MPRIP: variants seen among roughly 807,000 people sequenced by gnomAD.
The protein encoded by MPRIP is myosin phosphatase Rho-interacting protein.
In MPRIP, 59 loss-of-function variants were observed where a neutral mutation model predicts 234.9. The ratio of observed to expected loss-of-function variants is 0.25; its 90% CI spans 0.20 to 0.31. MPRIP has a LOEUF of 0.31. Ranked by LOEUF, MPRIP falls within the 10% of genes least tolerant of loss-of-function variation. The probability of loss-of-function intolerance (pLI) is 1.00; values close to 1 mark genes in which losing one functional copy is unlikely to be tolerated. For synonymous variants in MPRIP, 1,144 were observed against 1,263.9 expected (o/e 0.91, Z 2.01); for missense variants, 2,436 against 3,071.0 (o/e 0.79, Z 4.89).
chr17:17,080,568 C>T (rs1022142100), intron 3 of MPRIP, among the ~76,000 whole-genome samples: 2 of 152,172 alleles, frequency 1.3e-5, no homozygotes, highest in African/African-American at 4.8e-5. Context: ...TGTCTGGAGT[C>T]ATCCTTGATT....
Position 17,126,715 on chromosome 17 carries a change from C to T in MPRIP, c.281C>T (p.Pro94Leu), listed in dbSNP as rs1237561603. Residue 94 changes from proline to leucine, a missense_variant, in exon 4 of 24, where the codon CCT becomes CTT. Transcript: ENST00000651222. The part of the protein sequence containing the change: ...YALDEMPTTL[P>L]QGTINMNQCT... The stretch of plus-strand genomic sequence containing the variant: ...GCCTTCTTCCAGCCCACGACCCTTC[C>T]TCAGGGCACCATCAACATGAACCAG... 6.2e-7 allele frequency: 1 copy of T among 1,612,844 alleles called. No individual in the cohort carries two copies. The highest frequency in any genetic ancestry group is 8.5e-7 in the Non-Finnish European group (1 of 1,179,296).
intron 11 of MPRIP, among the ~76,000 whole-genome samples, chr17:17,149,498 A>G (rs935743799): frequency 6.6e-6 from 1 of 152,070 alleles, no homozygotes; most frequent in African/African-American, 2.4e-5. Context: ...ATCTCAAAAA[A>G]AAAAAAAACT....
Position 17,188,131 on chromosome 17 carries a change from G to A in MPRIP, c.*3237G>A, listed in dbSNP as rs1158385976. 2.0e-5 allele frequency: 3 copies of A among 152,274 alleles called. No individual in the cohort carries two copies. The highest frequency in any genetic ancestry group is 4.8e-5 in the African/African-American group (2 of 41,468). The allele number at this position is 152,274 out of a possible 1,614,324, so 9.4% of individuals were successfully genotyped here. A position where few individuals can be genotyped will look rare whatever the true frequency, so the allele number is the denominator to read the frequency against. ...CATGGTGCCCCAGCCCCAGGCAGGT[G>A]TGGAGACCAGCATTTCAGAGGACGC... is the stretch of plus-strand genomic sequence containing the variant. On this transcript the variant is annotated 3_prime_UTR_variant, in exon 24 of 24. Coordinates refer to ENST00000651222, the MANE Select transcript of MPRIP (RefSeq NM_001364716.4).
At chr17:17,109,708 A>T (rs149060258) in intron 3 of MPRIP, among the ~76,000 whole-genome samples, 3 of 152,280 alleles carry the variant, frequency 2.0e-5, no homozygotes, top group Admixed American at 6.5e-5. Context: ...TTTTAATGGC[A>T]CTTTCCAATA....
intron 13 of MPRIP, among the ~76,000 whole-genome samples, chr17:17,157,828 CAAAA>C (rs753322247): frequency 8.5e-6 from 1 of 117,392 alleles, no homozygotes; most frequent in African/African-American, 3.2e-5. Flanking sequence ...AACTCCATCT[CAAAA>C]AAAAAAAAAA....
intron 21 of MPRIP, among the ~76,000 whole-genome samples, 197 bp downstream of exon 21, chr17:17,176,709 C>T (rs1429414913): frequency 6.6e-6 from 1 of 152,224 alleles, no homozygotes; most frequent in Non-Finnish European, 1.5e-5. Context: ...ACATGAGCAA[C>T]CTGCCTGGCC....
At chr17:17,088,178 C>T (rs548199917) in intron 3 of MPRIP, among the ~76,000 whole-genome samples, 9 of 152,254 alleles carry the variant, frequency 5.9e-5, no homozygotes, top group South Asian at 2.1e-4. Context: ...GTGATGGGAG[C>T]GGCGAGAGCT....
At chr17:17,127,916 G>A (rs2090523981) in intron 4 of MPRIP, among the ~76,000 whole-genome samples, 1 of 152,126 alleles carries the variant, frequency 6.6e-6, no homozygotes, top group African/African-American at 2.4e-5. Context: ...GGTCCCGGGG[G>A]CGCTCTCTGC....
chr17:17,058,510 A>G (rs1204278543), intron 1 of MPRIP, among the ~76,000 whole-genome samples: 2 of 143,980 alleles, frequency 1.4e-5, no homozygotes, highest in African/African-American at 2.6e-5. Context: ...GGAGAGCCCC[A>G]GGGGCCATGG....
chr17:17,139,553 C>G (rs1189129867), intron 7 of MPRIP, among the ~76,000 whole-genome samples: 1 of 152,212 alleles, frequency 6.6e-6, no homozygotes, highest in Non-Finnish European at 1.5e-5. Flanking sequence ...CAACCTGGAG[C>G]TCAGAGTTAG....
At chr17:17,063,499 G>A (rs899346661) in intron 1 of MPRIP, among the ~76,000 whole-genome samples, 36 of 152,202 alleles carry the variant, frequency 2.4e-4, no homozygotes, top group Non-Finnish European at 2.2e-4. Context: ...TATGGGAGGT[G>A]AGGGGGCATG....
chr17:17,085,021 A>T (rs2089553952), intron 3 of MPRIP, among the ~76,000 whole-genome samples: 1 of 152,320 alleles, frequency 6.6e-6, no homozygotes, highest in East Asian at 1.9e-4. Context: ...GGTCAGTCTT[A>T]TACTTTCAGG....
chr17:17,171,103 G>A (rs1347108314), intron 16 of MPRIP: 1 of 152,344 alleles, frequency 6.6e-6, no homozygotes, highest in Non-Finnish European at 1.5e-5. Context: ...AGCATTAAGT[G>A]ACCAGCTGGA....
chr17:17,091,522 G>A (rs902937711), intron 3 of MPRIP, among the ~76,000 whole-genome samples: 1 of 152,200 alleles, frequency 6.6e-6, no homozygotes, highest in South Asian at 2.1e-4. Context: ...AGATGCTCTC[G>A]TGCGTATTAG....
rs1441734054 is a variant in MPRIP, at chr17:17,190,005, C to T, written c.*5111C>T. 1.3e-5 allele frequency: 2 copies of T among 152,236 alleles called. No homozygotes were observed. The highest frequency in any genetic ancestry group is 2.9e-5 in the Non-Finnish European group (2 of 68,052). The allele number at this position is 152,236 out of a possible 1,614,324, so 9.4% of individuals were successfully genotyped here. The stretch of plus-strand genomic sequence containing the variant: ...CTACCCACTGTTTTCGCACCTTTCA[C>T]CTTCCTGGGCTTTCCTGCCCTCCAG... On this transcript the variant is annotated 3_prime_UTR_variant, in exon 24 of 24. Transcript: ENST00000651222.
chr17:17,176,801 G>A (rs1231452728), intron 21 of MPRIP, among the ~76,000 whole-genome samples: 1 of 152,238 alleles, frequency 6.6e-6, no homozygotes, highest in African/African-American at 2.4e-5. Context: ...AGTGAGGCAA[G>A]GCTTGACTTC....
chr17:17,043,157 G>T (rs1346036258), intron 1 of MPRIP, among the ~76,000 whole-genome samples, 186 bp downstream of exon 1: 3 of 152,178 alleles, frequency 2.0e-5, no homozygotes, highest in Non-Finnish European at 4.4e-5. Flanking sequence ...CGAGTATGCC[G>T]AAAAATAACA....
chr17:17,134,888 A>G (rs959146229), intron 5 of MPRIP, among the ~76,000 whole-genome samples: 2 of 152,258 alleles, frequency 1.3e-5, no homozygotes, highest in Non-Finnish European at 2.9e-5. Context: ...GTGATGCTGC[A>G]TCTGCAAGTG....
At chr17:17,077,016 A>G (rs1035550770) in intron 2 of MPRIP, 9 of 137,692 alleles carry the variant, frequency 6.5e-5, no homozygotes, top group African/African-American at 2.4e-4. Context: ...ATCTCGATTC[A>G]GTGCAGTCTT....
Sources: gnomAD v4.1 joint callset for allele counts (sites outside exome capture counted in the v4.1 genomes callset) on GRCh38, gnomAD v4.1.1 for gene constraint, MANE v1.5 for transcripts, NCBI Gene and HGNC (gene_info 2026-07-23, HGNC 2026-07-21) for gene names.